The following ETS1 variants were observed in gnomAD, a reference collection of about 807,000 sequenced individuals.
ETS1 encodes protein C-ets-1.
Under a neutral mutation model 58.6 loss-of-function variants are expected in ETS1, and 15 were observed. That is an observed-to-expected ratio of 0.26 (90% CI 0.17 to 0.39). ETS1 has a LOEUF of 0.39. Among genes scored for constraint, ETS1 ranks in the 10% least tolerant of loss-of-function variants. ETS1 has a pLI of 1.00. For missense variants in ETS1, 417 were observed against 610.5 expected (o/e 0.68, Z 3.34); for synonymous variants, 214 against 218.2 (o/e 0.98, Z 0.17).
rs375043526 is a variant in ETS1 at position 128,541,271 on chromosome 11, C to T, written c.214+15020G>A. ...CCCAACGCCTCATGAAGAACAAGGG[C>T]TTAATAAATATGTGTTGATTAATAG... On this transcript the variant is annotated intron_variant, in intron 3 of 9. Coordinates refer to ENST00000392668, the MANE Select transcript of ETS1 (RefSeq NM_001143820.2). Among the ~76,000 whole-genome samples, 12 of 152,264 alleles carry T rather than the reference C, an allele frequency of 7.9e-5. No homozygotes were observed. In the East Asian group the frequency reaches 1.3e-3, roughly 17 times the overall value.
chr11:128,531,515 C>T (rs755001572), intron 3 of ETS1, among the ~76,000 whole-genome samples: 13 of 152,264 alleles, frequency 8.5e-5, no homozygotes, highest in Middle Eastern at 6.8e-3. Context: ...TCTTCATGTG[C>T]GCTGTTAAAA....
At chr11:128,505,606 C>T (rs1024171334) in intron 3 of ETS1, among the ~76,000 whole-genome samples, 2 of 152,174 alleles carry the variant, frequency 1.3e-5, no homozygotes, top group African/African-American at 4.8e-5. Flanking sequence ...CAGCCTCAGA[C>T]GCCTCTCCCA....
At chr11:128,520,623 C>T (rs1863641052) in intron 3 of ETS1, among the ~76,000 whole-genome samples, 1 of 152,178 alleles carries the variant, frequency 6.6e-6, no homozygotes, top group African/African-American at 2.4e-5. Context: ...GTTCCAGCTG[C>T]GCTCTCAGCA....
At chr11:128,503,537 C>A (rs1205250469) in intron 3 of ETS1, among the ~76,000 whole-genome samples, 1 of 152,172 alleles carries the variant, frequency 6.6e-6, no homozygotes, top group Non-Finnish European at 1.5e-5. Context: ...TCATGCTATG[C>A]AAATGGTGGA....
intron 2 of ETS1, among the ~76,000 whole-genome samples, chr11:128,566,662 A>G (rs1159002274): frequency 6.6e-6 from 1 of 152,012 alleles, no homozygotes; most frequent in Non-Finnish European, 1.5e-5. Context: ...GGGCGCCTGT[A>G]GTCCCAGCTA....
chr11:128,497,667 G>T, intron 3 of ETS1: 1 of 755,394 alleles, frequency 1.3e-6, no homozygotes, highest in Non-Finnish European at 1.6e-6. Context: ...CAGCGCCGGA[G>T]TTCAGACCTG....
chr11:128,502,426 A>C (rs536899772), intron 3 of ETS1, among the ~76,000 whole-genome samples: 44 of 152,348 alleles, frequency 2.9e-4, no homozygotes, highest in African/African-American at 1.1e-3. Context: ...AGGAAAAAAT[A>C]ACCAATCGAT....
At chr11:128,487,653 C>T (rs981044288) in intron 5 of ETS1, among the ~76,000 whole-genome samples, 2 of 152,028 alleles carry the variant, frequency 1.3e-5, no homozygotes, top group Admixed American at 6.5e-5. Context: ...GCAGGAGAAT[C>T]GCTTGAACCT....
At chr11:128,468,903 C>G (rs1013125228) in intron 8 of ETS1, among the ~76,000 whole-genome samples, 1 of 152,214 alleles carries the variant, frequency 6.6e-6, no homozygotes, top group Non-Finnish European at 1.5e-5. Context: ...TCCCTGAGAA[C>G]ACAGACTATA....
At chr11:128,496,066 A>G (rs1441965393) in intron 3 of ETS1, among the ~76,000 whole-genome samples, 1 of 152,060 alleles carries the variant, frequency 6.6e-6, no homozygotes, top group Non-Finnish European at 1.5e-5. Flanking sequence ...CAAATATTTC[A>G]TTGTCACAAG....
chr11:128,563,726 A>G (rs751942377), intron 2 of ETS1, among the ~76,000 whole-genome samples: 1 of 152,144 alleles, frequency 6.6e-6, no homozygotes, highest in African/African-American at 2.4e-5. Flanking sequence ...AAGGTCTTAC[A>G]TTGTTTGTCT....
At chr11:128,483,486 A>G (rs1280025285) in intron 7 of ETS1, among the ~76,000 whole-genome samples, 1 of 152,184 alleles carries the variant, frequency 6.6e-6, no homozygotes, top group Admixed American at 6.5e-5. Context: ...ACACATGTAC[A>G]CACACTTGTG....
chr11:128,484,675 G>C (rs1360447757), intron 7 of ETS1, 148 bp downstream of exon 7: 3 of 669,296 alleles, frequency 4.5e-6, no homozygotes, highest in African/African-American at 3.6e-5. Flanking sequence ...AAAGTTCTTA[G>C]TATCTGGACA....
Position 128,475,556 on chromosome 11 carries a change from C to CTTTTT in ETS1, c.1123+4630_1123+4634dup, listed in dbSNP as rs35049593. 3.5e-4 allele frequency among the ~76,000 whole-genome samples: 38 copies of CTTTTT among 109,390 alleles called. 2 individuals carry two copies. The highest frequency in any genetic ancestry group is 4.1e-4 in the Non-Finnish European group (23 of 56,472). 71.8% of individuals were successfully genotyped at this position (109,390 alleles called of 152,430 possible). ...AGGACCTAGAGGAGAATGCACAGGG[C>CTTTTT]TTTTTTTTTTTTTTTTTTTGAGACG... On this transcript the variant is annotated intron_variant, in intron 8 of 9. Coordinates refer to ENST00000392668, the MANE Select transcript of ETS1 (RefSeq NM_001143820.2).
intron 8 of ETS1, among the ~76,000 whole-genome samples, chr11:128,473,164 A>C (rs1475815047): frequency 6.6e-6 from 1 of 152,218 alleles, no homozygotes; most frequent in African/African-American, 2.4e-5. Flanking sequence ...AACTTAATAC[A>C]TCTGGGATTG....
chr11:128,543,047 C>T (rs1354791447), intron 3 of ETS1, among the ~76,000 whole-genome samples: 4 of 151,774 alleles, frequency 2.6e-5, no homozygotes, highest in East Asian at 1.9e-4. Flanking sequence ...TGGTGGCAAG[C>T]GACTGTAATC....
Position 128,462,278 on chromosome 11 carries a change from A to G in ETS1, c.*83T>C, listed in dbSNP as rs1333385985. 10 of 1,089,420 alleles carry G rather than the reference A, an allele frequency of 9.2e-6. No individual in the cohort carries two copies. The highest frequency in any genetic ancestry group is 1.4e-5 in the South Asian group (1 of 72,082). The allele number at this position is 1,089,420 out of a possible 1,614,324, so 67.5% of individuals were successfully genotyped here. ...TGAGTTCTGGAAAATAAAAAATAGAATAACAATTCAAAATTCAGAGTCCAA... is the reference window on the plus strand; with the variant it reads ...TGAGTTCTGGAAAATAAAAAATAGAGTAACAATTCAAAATTCAGAGTCCAA... On this transcript the variant is annotated 3_prime_UTR_variant, in exon 10 of 10. Transcript: ENST00000392668.
intron 1 of ETS1, among the ~76,000 whole-genome samples, chr11:128,585,229 A>AGAAG (rs1865003616): frequency 2.1e-5 from 3 of 144,578 alleles, no homozygotes; most frequent in African/African-American, 7.8e-5. Flanking sequence ...AAAGAAAGAA[A>AGAAG]GAAAGAAAGA....
intron 3 of ETS1, chr11:128,521,953 G>C (rs1336656952): frequency 1.2e-6 from 2 of 1,607,950 alleles, no homozygotes; most frequent in Non-Finnish European, 1.7e-6. Context: ...TTTCCGTCTT[G>C]ATGATGGTGA....
Sources: allele counts gnomAD v4.1 joint callset (sites outside exome capture counted in the v4.1 genomes callset), GRCh38; gene constraint gnomAD v4.1.1; transcripts MANE v1.5; gene names NCBI Gene and HGNC (gene_info 2026-07-23, HGNC 2026-07-21).